MAPK8IP2: variants seen among roughly 807,000 people sequenced by gnomAD.
MAPK8IP2 encodes mitogen-activated protein kinase 8 interacting protein 2.
A neutral mutation model predicts 75.6 loss-of-function variants in MAPK8IP2; 15 were observed. The observed-to-expected ratio is 0.20, with a 90% confidence interval of 0.13 to 0.31. The LOEUF is 0.31. Among genes scored for constraint, MAPK8IP2 ranks in the 10% least tolerant of loss-of-function variants. The pLI, the probability that MAPK8IP2 is intolerant of heterozygous loss-of-function variation, is 1.00. For missense variants in MAPK8IP2, 1,089 were observed against 1,211.2 expected (o/e 0.90, Z 1.50); for synonymous variants, 632 against 554.5 (o/e 1.14, Z -1.96).
At chr22:50,603,533 G>T in intron 3 of MAPK8IP2, 35 bp downstream of exon 3, 17 of 1,574,478 alleles carry the variant, frequency 1.1e-5, no homozygotes, top group Non-Finnish European at 1.4e-5. Context: ...CTGGAGCTGA[G>T]CCTGGGTTCA....
chr22:50,606,637 C>T, intron 8 of MAPK8IP2, 21 bp from the exon 9 acceptor site: 2 of 1,553,850 alleles, frequency 1.3e-6, no homozygotes, highest in Non-Finnish European at 1.8e-6. Context: ...AGACCCTCTT[C>T]TCCCCCAACT....
intron 10 of MAPK8IP2, among the ~76,000 whole-genome samples, chr22:50,608,561 G>A (rs1249230907): frequency 6.9e-6 from 1 of 143,992 alleles, no homozygotes; most frequent in African/African-American, 2.6e-5. Flanking sequence ...GGGCAGGGGC[G>A]CAGACCAGAC....
chr22:50,609,081 T>C (rs79500187), intron 10 of MAPK8IP2, among the ~76,000 whole-genome samples: 2,088 of 152,152 alleles, frequency 0.014, 63 homozygotes, highest in African/African-American at 0.047. Flanking sequence ...CTAATATTTG[T>C]CACCCCAGAC....
In MAPK8IP2 at chr22:50,611,763, C is replaced by G. The variant is rs565828339; in HGVS notation, c.*984C>G. 2.0e-5 allele frequency: 3 copies of G among 152,390 alleles called. No homozygotes were observed. Among genetic ancestry groups the G allele is most frequent in the African/African-American group, 7.2e-5 (3 of 41,564 alleles). The allele number at this position is 152,390 out of a possible 1,614,324, so 9.4% of individuals were successfully genotyped here. Reference sequence around the variant, plus strand: ...CACCCTTGGGAATTCTCCCTAGATACACTCGATTGGCCACAGAGGAATCCG... The same window carrying G: ...CACCCTTGGGAATTCTCCCTAGATAGACTCGATTGGCCACAGAGGAATCCG... On this transcript the variant is annotated 3_prime_UTR_variant, in exon 12 of 12. Coordinates refer to ENST00000329492, the MANE Select transcript of MAPK8IP2 (RefSeq NM_012324.6). This position sits in a 1 kb window ranked among gnomAD's most constrained non-coding sequence, Gnocchi z 5.5.
rs1328222455 is a variant in MAPK8IP2 at position 50,605,554 on chromosome 22, A to G, written c.1842-8A>G. 4 of 1,294,436 alleles carry G rather than the reference A, an allele frequency of 3.1e-6. No homozygotes were observed. Among genetic ancestry groups the G allele is most frequent in the Non-Finnish European group, 4.2e-6 (4 of 956,986 alleles). 80.2% of individuals were successfully genotyped at this position (1,294,436 alleles called of 1,614,324 possible). On this transcript the variant is annotated splice_polypyrimidine_tract_variant and splice_region_variant and intron_variant, in intron 6 of 11. Coordinates refer to ENST00000329492, the MANE Select transcript of MAPK8IP2 (RefSeq NM_012324.6). ...CCCCCTCCCCAGTGACCTCTCCCCC[A>G]ACGGCAGGTTCATCCCGCGGCATCC...
rs2071019548 is a variant in MAPK8IP2 at position 50,604,905 on chromosome 22, A to C, written c.1606A>C (p.Ser536Arg). The C allele has an allele frequency of 6.2e-7, 1 of 1,609,872 alleles. No individual in the cohort carries two copies. The highest frequency in any genetic ancestry group is 1.7e-5 in the Admixed American group (1 of 59,806). Residue 536 changes from serine to arginine, a missense_variant, in exon 5 of 12, where the codon AGC becomes CGC. By Grantham distance (110) the Ser-to-Arg change is moderately radical. Coordinates refer to ENST00000329492, the MANE Select transcript of MAPK8IP2 (RefSeq NM_012324.6). ...GCGCTGTGCTGGGCTGGGCCACGACAGCGAAGAGGACAGCGGCGGGGAGGC... is the reference window on the plus strand; with the variant it reads ...GCGCTGTGCTGGGCTGGGCCACGACCGCGAAGAGGACAGCGGCGGGGAGGC... ...LRRCAGLGHD[S>R]EEDSGGEASE...
chr22:50,605,698 G>T lies in MAPK8IP2; in HGVS notation c.1978G>T (p.Ala660Ser). 1 of 1,611,366 alleles carries T rather than the reference G, an allele frequency of 6.2e-7. No homozygotes were observed. Residue 660 changes from alanine (A) to serine (S), a missense_variant, in exon 7 of 12, where the codon GCC (alanine) becomes TCC (serine). Physicochemically the swap from Ala to Ser is moderately conservative, Grantham distance 99 (BLOSUM62 1). Transcript: ENST00000329492. ...GERGVFPAFY[A>S]HAVPGPAKDL... ...GCGCGGTGTGTTTCCTGCCTTCTAC[G>T]CCCATGCGGTGCCCGGCCCTGCCAA... is the stretch of plus-strand genomic sequence containing the variant.
rs541938717 is a variant in MAPK8IP2, at chr22:50,612,016, A to G, written c.*1237A>G. 22 of 152,286 alleles carry G rather than the reference A, an allele frequency of 1.4e-4. No homozygotes were observed. Among genetic ancestry groups the G allele is most frequent in the African/African-American group, 5.3e-4 (22 of 41,546 alleles). The allele number at this position is 152,286 out of a possible 1,614,324, so 9.4% of individuals were successfully genotyped here. On this transcript the variant is annotated 3_prime_UTR_variant, in exon 12 of 12. Transcript: ENST00000329492. ...GTGAAACCCCATCTCCACAAAAAATACAAAAATTAGCTAGGTGTCCTGGCG... is the reference window on the plus strand; with the variant it reads ...GTGAAACCCCATCTCCACAAAAAATGCAAAAATTAGCTAGGTGTCCTGGCG...
chr22:50,610,945 G>A lies in MAPK8IP2; in HGVS notation c.*166G>A, dbSNP rs1022419058. The A allele has an allele frequency of 1.7e-5, 10 of 596,956 alleles. No homozygotes were observed. Among genetic ancestry groups the A allele is most frequent in the African/African-American group, 1.5e-4 (8 of 53,042 alleles). The allele number at this position is 596,956 out of a possible 1,614,324, so 37.0% of individuals were successfully genotyped here. On this transcript the variant is annotated 3_prime_UTR_variant, in exon 12 of 12. Transcript: ENST00000329492. This position sits in a 1 kb window ranked among gnomAD's most constrained non-coding sequence, Gnocchi z 4.3. ...AACTCTCGTCCTCGGTCCCCAGGGC[G>A]CAGCTGTTGGGGCTGCGGGGGAGTG...
chr22:50,606,578 A>C (rs1318694673), intron 8 of MAPK8IP2, 80 bp from the exon 9 acceptor site: 60 of 943,762 alleles, frequency 6.4e-5, no homozygotes, highest in Non-Finnish European at 6.8e-6. Flanking sequence ...TAAAAGGAGC[A>C]GAGGCGTAGT....
chr22:50,601,482 GAC>G, intron 1 of MAPK8IP2: 1 of 326,132 alleles, frequency 3.1e-6, no homozygotes, highest in South Asian at 3.9e-5. Flanking sequence ...TGCTCTGCAA[GAC>G]CCTGACCCCA....
Position 50,600,811 on chromosome 22 carries a change from C to G in MAPK8IP2, c.-8C>G, listed in dbSNP as rs2070921551. The G allele has an allele frequency of 2.3e-6, 3 of 1,277,498 alleles. No homozygotes were observed. Among genetic ancestry groups the G allele is most frequent in the Non-Finnish European group, 2.0e-6 (2 of 985,236 alleles). 79.1% of individuals were successfully genotyped at this position (1,277,498 alleles called of 1,614,324 possible). ...CCCCGCCGCAGTCGCGGGCCTCTCC[C>G]GGAGAAGATGGCGGATCGCGCGGAG... On this transcript the variant is annotated 5_prime_UTR_variant, in exon 1 of 12. Transcript: ENST00000329492.
rs2070989689 is a variant in MAPK8IP2 at position 50,603,978 on chromosome 22, G to A, written c.679G>A (p.Gly227Ser). Reference sequence around the variant, plus strand: ...GGGGACTTCGCCCTCCTCAGATCCCGGCATCGAGGCTGACCTGAGAAGCCG... The same window carrying A: ...GGGGACTTCGCCCTCCTCAGATCCCAGCATCGAGGCTGACCTGAGAAGCCG... Reference protein sequence around the residue: ...PGGTSPSSDPGIEADLRSRSS... With the variant: ...PGGTSPSSDPSIEADLRSRSS... The change falls in exon 5 of 12, where the codon GGC (glycine) becomes AGC (serine). Residue 227 changes from glycine (G) to serine (S), a missense_variant. Gly to Ser is a moderately conservative substitution (Grantham distance 56). Coordinates refer to ENST00000329492, the MANE Select transcript of MAPK8IP2 (RefSeq NM_012324.6). The A allele has an allele frequency of 1.3e-6, 2 of 1,558,866 alleles. No individual in the cohort carries two copies. Among genetic ancestry groups the A allele is most frequent in the Non-Finnish European group, 1.7e-6 (2 of 1,158,786 alleles).
chr22:50,603,506 C>A lies in MAPK8IP2; in HGVS notation c.447+8C>A. On this transcript the variant is annotated splice_region_variant and intron_variant, in intron 3 of 11. Transcript: ENST00000329492. Reference sequence around the variant, plus strand: ...ACCACACTGGGGGCCCAGGTGAGTGCCCGGACCCACAGCTCCCTGGAGCTG... The same window carrying A: ...ACCACACTGGGGGCCCAGGTGAGTGACCGGACCCACAGCTCCCTGGAGCTG... The A allele has an allele frequency of 6.4e-7, 1 of 1,563,628 alleles. No homozygotes were observed. Among genetic ancestry groups the A allele is most frequent in the South Asian group, 1.2e-5 (1 of 83,394 alleles).
Position 50,605,405 on chromosome 22 carries a change from C to T in MAPK8IP2, c.1803C>T (p.Asn601=), listed in dbSNP as rs181823777. ...ESFGLFSCLV[N]GEEREQTHRA... is the part of the protein sequence containing the mutation. ...TTGGCCTTTTCTCCTGTCTGGTCAA[C>T]GGCGAGGAGCGAGAGCAGACTCACC... The change falls in exon 6 of 12, where the codon AAC becomes AAT. Residue 601 remains asparagine (N), a synonymous_variant. Coordinates refer to ENST00000329492, the MANE Select transcript of MAPK8IP2 (RefSeq NM_012324.6). 52 of 1,613,544 alleles carry T rather than the reference C, an allele frequency of 3.2e-5. No homozygotes were observed. In the African/African-American group the frequency reaches 3.3e-4, roughly 10 times the overall value.
At chr22:50,601,565 G>A in intron 1 of MAPK8IP2, 2 of 520,668 alleles carry the variant, frequency 3.8e-6, no homozygotes, top group South Asian at 2.2e-5. Context: ...GGAGGGGTGG[G>A]GGCAGGGTTG....
At chr22:50,602,012 C>G (rs896271373) in intron 2 of MAPK8IP2, 118 bp downstream of exon 2, 18 of 738,580 alleles carry the variant, frequency 2.4e-5, no homozygotes, top group Non-Finnish European at 4.2e-5. Flanking sequence ...GGGGACTCCT[C>G]TGATGGCTCC....
rs1040220165 is a variant in MAPK8IP2, at chr22:50,604,655, G to A, written c.1356G>A (p.Ala452=). Residue 452 remains alanine (A), a synonymous_variant, in exon 5 of 12, where the codon GCG becomes GCA. Transcript: ENST00000329492. The stretch of plus-strand genomic sequence containing the variant: ...ACACCATCACGCCGCTGTGGGCCGC[G>A]CCCGGCCGCGCCGCCCGCCCGGGAC... ...TRDTITPLWA[A]PGRAARPGRA... 6.4e-5 allele frequency: 98 copies of A among 1,519,838 alleles called. 1 individual carries two copies. The highest frequency in any genetic ancestry group is 8.3e-5 in the Non-Finnish European group (95 of 1,139,152). 94.1% of individuals were successfully genotyped at this position (1,519,838 alleles called of 1,614,324 possible).
chr22:50,609,505 A>G (rs131733), intron 10 of MAPK8IP2, among the ~76,000 whole-genome samples: 60,490 of 151,310 alleles, frequency 0.4, 13,739 homozygotes, highest in East Asian at 0.54. Flanking sequence ...GCGTGCACAC[A>G]CTGTCCTGGC....
Sources: allele counts gnomAD v4.1 joint callset (sites outside exome capture counted in the v4.1 genomes callset), GRCh38; gene constraint gnomAD v4.1.1; non-coding constraint Gnocchi (gnomAD v3.1); transcripts MANE v1.5; gene names NCBI Gene and HGNC (gene_info 2026-07-23, HGNC 2026-07-21).